Variants in KLRG1 observed in about 807,000 individuals in gnomAD.
KLRG1 encodes killer cell lectin-like receptor subfamily G member 1.
KLRG1 carries 16 observed loss-of-function variants against 21.8 expected under a neutral mutation model. The ratio of observed to expected loss-of-function variants is 0.73; its 90% CI spans 0.50 to 1.11. The LOEUF (loss-of-function observed/expected upper bound fraction) is 1.11. Among genes scored for constraint, KLRG1 ranks in the 50% most tolerant of loss-of-function variants. The probability of loss-of-function intolerance (pLI) is 0.00; values close to 1 mark genes in which losing one functional copy is unlikely to be tolerated. For synonymous variants in KLRG1, 69 were observed against 75.9 expected, an observed-to-expected ratio of 0.91 and a Z score of 0.47; for missense variants, 173 against 218.3, an observed-to-expected ratio of 0.79 and a Z score of 1.31.
chr12:9,100,626 A>G, the KLRG1 span, among the ~76,000 whole-genome samples: 3 of 152,186 alleles, frequency 2.0e-5, no homozygotes, highest in African/African-American at 7.2e-5. Flanking sequence ...GAAAAAAAAG[A>G]CAACACATAT....
the KLRG1 span, chr12:9,152,109 AT>A: frequency 8.1e-6 from 7 of 860,392 alleles, no homozygotes; most frequent in Non-Finnish European, 1.3e-5. Context: ...TGGGAAAAAT[AT>A]TTTTTTGAGG....
At chr12:9,129,588 T>TC in the KLRG1 span, among the ~76,000 whole-genome samples, 1 of 152,140 alleles carries the variant, frequency 6.6e-6, no homozygotes, top group Admixed American at 6.5e-5. Flanking sequence ...CATTTTTTTT[T>TC]CCCGAGACGG....
chr12:9,188,033 G>A, the KLRG1 span, among the ~76,000 whole-genome samples: 104 of 152,294 alleles, frequency 6.8e-4, 2 homozygotes, highest in East Asian at 0.017. Flanking sequence ...AAATAGTCTG[G>A]CCAAACGTCC....
intron 2 of KLRG1, 137 bp from the exon 3 acceptor site, chr12:8,994,982 C>A: frequency 1.5e-6 from 1 of 662,992 alleles, no homozygotes; most frequent in Non-Finnish European, 2.4e-6. Context: ...CGCATTGTTA[C>A]ACATTTCTCT....
chr12:9,162,657 A>G, the KLRG1 span: 1 of 1,571,818 alleles, frequency 6.4e-7, no homozygotes, highest in East Asian at 2.2e-5. Flanking sequence ...GCCTTGGATG[A>G]AAGGAAAGAA....
At chr12:8,964,154 C>T (rs2137228424) in intron 1 of KLRG1, among the ~76,000 whole-genome samples, 3 of 152,288 alleles carry the variant, frequency 2.0e-5, no homozygotes, top group Middle Eastern at 6.8e-3. Flanking sequence ...ATCTTTCCTG[C>T]TTTCTCTTGT....
the KLRG1 span, among the ~76,000 whole-genome samples, chr12:9,161,942 T>C: frequency 1.3e-5 from 2 of 152,084 alleles, no homozygotes. Flanking sequence ...CCCTGCTGTC[T>C]TTAGTTTTTG....
intron 1 of KLRG1, among the ~76,000 whole-genome samples, chr12:8,958,636 C>G (rs1946334224): frequency 6.6e-6 from 1 of 151,422 alleles, no homozygotes; most frequent in African/African-American, 2.4e-5. Context: ...ATGGGAGGAT[C>G]ACTTGGGCTC....
chr12:9,077,289 C>T, the KLRG1 span: 1 of 1,466,692 alleles, frequency 6.8e-7, no homozygotes, highest in Non-Finnish European at 9.5e-7. Flanking sequence ...GACAGCAGGT[C>T]AGCAGTTTCA....
At chr12:9,038,780 T>A in the KLRG1 span, among the ~76,000 whole-genome samples, 1 of 151,804 alleles carries the variant, frequency 6.6e-6, no homozygotes, top group South Asian at 2.1e-4. Context: ...GCACGTGTAA[T>A]CCCAGCTACT....
At chr12:9,085,671 A>G in the KLRG1 span, among the ~76,000 whole-genome samples, 2 of 152,070 alleles carry the variant, frequency 1.3e-5, no homozygotes, top group Non-Finnish European at 2.9e-5. Flanking sequence ...GCAGAAATAA[A>G]TCAAATAGAG....
the KLRG1 span, among the ~76,000 whole-genome samples, chr12:9,203,337 CTTTTTTTTT>C: frequency 8.7e-6 from 1 of 114,588 alleles, no homozygotes; most frequent in African/African-American, 3.2e-5. Flanking sequence ...AACTACATTC[CTTTTTTTTT>C]TTTTTTTTTT....
the KLRG1 span, chr12:9,027,806 C>T: frequency 1.6e-6 from 2 of 1,250,046 alleles, no homozygotes; most frequent in South Asian, 1.2e-5. Flanking sequence ...CAGCTGCCAC[C>T]AAAGCCACCA....
At chr12:9,125,148 G>A in the KLRG1 span, among the ~76,000 whole-genome samples, 1 of 152,198 alleles carries the variant, frequency 6.6e-6, no homozygotes, top group Non-Finnish European at 1.5e-5. Flanking sequence ...GCAGAGAGGA[G>A]CAAGGAGCAC....
chr12:9,079,331 C>T, the KLRG1 span: 1 of 1,613,244 alleles, frequency 6.2e-7, no homozygotes. Flanking sequence ...TCTCTGGTAA[C>T]CTGGAAAGGA....
chr12:9,035,054 CTT>C, the KLRG1 span, among the ~76,000 whole-genome samples: 3 of 132,050 alleles, frequency 2.3e-5, no homozygotes, highest in African/African-American at 7.4e-5. Context: ...TAGAAAAAAA[CTT>C]ATATAATAAG....
At chr12:9,109,488 C>G in the KLRG1 span, 2 of 1,031,408 alleles carry the variant, frequency 1.9e-6, no homozygotes, top group Non-Finnish European at 3.0e-6. Flanking sequence ...GTAACAGTTC[C>G]CTAATAATAT....
At chr12:9,171,637 A>G in the KLRG1 span, among the ~76,000 whole-genome samples, 1 of 152,212 alleles carries the variant, frequency 6.6e-6, no homozygotes, top group African/African-American at 2.4e-5. Flanking sequence ...CAGTTTAGAG[A>G]GGAACATAAC....
the KLRG1 span, among the ~76,000 whole-genome samples, chr12:9,119,329 T>C: frequency 9.2e-5 from 14 of 152,302 alleles, no homozygotes; most frequent in South Asian, 2.9e-3. Context: ...TCATGATAAA[T>C]TACAAAGATG....
Sources: allele counts gnomAD v4.1 joint callset (sites outside exome capture counted in the v4.1 genomes callset), GRCh38; gene constraint gnomAD v4.1.1; transcripts MANE v1.5; gene names NCBI Gene and HGNC (gene_info 2026-07-23, HGNC 2026-07-21).